Variants in SANBR observed in about 807,000 individuals in gnomAD.
SANBR encodes the protein SANT and BTB domain regulator of class switch recombination.
In SANBR, 77 loss-of-function variants were observed where a neutral mutation model predicts 101.8. The ratio of observed to expected loss-of-function variants is 0.76; its 90% CI spans 0.63 to 0.91. The LOEUF is 0.91. Ranked by LOEUF, SANBR falls within the 40% of genes least tolerant of loss-of-function variation. The probability of loss-of-function intolerance (pLI) is 0.00; values close to 1 mark genes in which losing one functional copy is unlikely to be tolerated. For missense variants in SANBR, 875 were observed against 853.0 expected (o/e 1.03, Z -0.32); for synonymous variants, 279 against 274.7 (o/e 1.02, Z -0.15).
chr2:61,077,528 G>A (rs1681857835), intron 6 of SANBR, among the ~76,000 whole-genome samples: 2 of 151,124 alleles, frequency 1.3e-5, no homozygotes, highest in Non-Finnish European at 2.9e-5. Context: ...TGAAGCTTTA[G>A]ACAAGATCAA....
Position 61,070,367 on chromosome 2 carries a change from C to T in SANBR, c.17C>T (p.Ser6Leu), listed in dbSNP as rs1217424805. 2 of 1,582,260 alleles carry T rather than the reference C, an allele frequency of 1.3e-6. No individual in the cohort carries two copies. Among genetic ancestry groups the T allele is most frequent in the Non-Finnish European group, 1.7e-6 (2 of 1,168,680 alleles). Residue 6 changes from serine to leucine, a missense_variant, in exon 3 of 22, where the codon TCA (serine) becomes TTA (leucine). By Grantham distance (145) the Ser-to-Leu change is moderately radical. Transcript: ENST00000402291. MSRGYSENNNFLNNNN... is the reference protein window; with the variant it reads MSRGYLENNNFLNNNN... Reference sequence around the variant, plus strand: ...TTCCAAAAGATGAGTCGTGGATATTCAGAAAACAACAATTTCCTGAACAAT... The same window carrying T: ...TTCCAAAAGATGAGTCGTGGATATTTAGAAAACAACAATTTCCTGAACAAT...
Position 61,088,165 on chromosome 2 carries a change from T to G in SANBR, c.897T>G (p.Leu299=). 6.3e-7 allele frequency: 1 copy of G among 1,596,738 alleles called. No homozygotes were observed. The highest frequency in any genetic ancestry group is 8.5e-7 in the Non-Finnish European group (1 of 1,174,134). Residue 299 remains leucine (L), a synonymous_variant, in exon 9 of 22, where the codon CTT becomes CTG. Transcript: ENST00000402291. ...GGTCATTTGTTGTTAATAGCAAACT[T>G]TTTTGTAAGAAGATTGAAAGACTGT... is the stretch of plus-strand genomic sequence containing the variant. ...KDKKDKFKSK[L]FCKKIERLFD...
intron 13 of SANBR, among the ~76,000 whole-genome samples, chr2:61,105,107 G>T (rs1164261521): frequency 6.7e-6 from 1 of 148,174 alleles, no homozygotes; most frequent in Non-Finnish European, 1.5e-5. Flanking sequence ...TTAGCCAGGC[G>T]TGGTGGCTCA....
intron 8 of SANBR, among the ~76,000 whole-genome samples, chr2:61,084,008 G>C (rs1044234576): frequency 6.6e-6 from 1 of 152,122 alleles, no homozygotes; most frequent in Non-Finnish European, 1.5e-5. Context: ...GCCCAGGCTG[G>C]AGTGCAGTAG....
At chr2:61,077,361 G>A (rs1043343742) in intron 6 of SANBR, among the ~76,000 whole-genome samples, 1 of 152,166 alleles carries the variant, frequency 6.6e-6, no homozygotes, top group Admixed American at 6.6e-5. Flanking sequence ...CTCTAGATCA[G>A]CAGTTCCCAA....
chr2:61,132,705 A>C (rs1684724191), intron 20 of SANBR, among the ~76,000 whole-genome samples: 1 of 152,264 alleles, frequency 6.6e-6, no homozygotes, highest in Non-Finnish European at 1.5e-5. Context: ...ACTTGTACAC[A>C]AATGTTCATA....
chr2:61,136,281 G>A (rs1394915527), intron 21 of SANBR, among the ~76,000 whole-genome samples: 2 of 151,180 alleles, frequency 1.3e-5, no homozygotes, highest in African/African-American at 4.9e-5. Flanking sequence ...TCCAGCCTGG[G>A]CAACAGAGCG....
downstream of SANBR, among the ~76,000 whole-genome samples, chr2:61,128,784 G>A (rs968226865): frequency 5.9e-5 from 9 of 152,046 alleles, no homozygotes; most frequent in African/African-American, 9.7e-5. Context: ...GTGAGCCACC[G>A]TGCCTGGCCT....
At chr2:61,078,084 T>C (rs895743713) in intron 6 of SANBR, among the ~76,000 whole-genome samples, 5 of 152,354 alleles carry the variant, frequency 3.3e-5, no homozygotes, top group African/African-American at 1.2e-4. Flanking sequence ...TTTTTAAATA[T>C]ATTGTACAAT....
chr2:61,084,660 C>G (rs951881213), intron 8 of SANBR, among the ~76,000 whole-genome samples: 1 of 152,018 alleles, frequency 6.6e-6, no homozygotes, highest in Non-Finnish European at 1.5e-5. Flanking sequence ...TAGGTCATAG[C>G]AAGGAGGATA....
intron 20 of SANBR, among the ~76,000 whole-genome samples, chr2:61,132,377 C>T (rs1684714653): frequency 6.6e-6 from 1 of 152,036 alleles, no homozygotes; most frequent in East Asian, 1.9e-4. Context: ...GACATTTTTC[C>T]AAAGAAGATA....
At position 61,081,518 on chromosome 2, in the gene SANBR, T is replaced by C; in HGVS notation, c.729+8T>C. The stretch of plus-strand genomic sequence containing the variant: ...TTAAAAATGGATTCACTAGTAAGTA[T>C]TGACTTAAAAAAAATCAAAGTGCTT... On this transcript the variant is annotated splice_region_variant and intron_variant, in intron 7 of 21. Coordinates refer to ENST00000402291, the MANE Select transcript of SANBR (RefSeq NM_001129993.3). 11 of 1,552,414 alleles carry C rather than the reference T, an allele frequency of 7.1e-6. No individual in the cohort carries two copies. The highest frequency in any genetic ancestry group is 1.2e-5 in the South Asian group (1 of 80,346).
chr2:61,076,384 A>T (rs539887344), intron 5 of SANBR, among the ~76,000 whole-genome samples: 1 of 149,490 alleles, frequency 6.7e-6, no homozygotes, highest in Non-Finnish European at 1.5e-5. Context: ...TTGGGAGGCC[A>T]AGGCAGGCGG....
intron 12 of SANBR, among the ~76,000 whole-genome samples, chr2:61,100,143 T>C (rs529218195): frequency 6.6e-6 from 1 of 152,324 alleles, no homozygotes; most frequent in South Asian, 2.1e-4. Flanking sequence ...GTCTCGCTGT[T>C]GCCCCGGCTG....
intron 1 of SANBR, among the ~76,000 whole-genome samples, chr2:61,067,761 C>T (rs1681258272): frequency 6.6e-6 from 1 of 151,458 alleles, no homozygotes; most frequent in Non-Finnish European, 1.5e-5. Flanking sequence ...AACAACAACG[C>T]ACTATGTGCT....
At chr2:61,079,864 C>G (rs917610598) in intron 6 of SANBR, among the ~76,000 whole-genome samples, 2 of 151,408 alleles carry the variant, frequency 1.3e-5, no homozygotes, top group African/African-American at 4.9e-5. Context: ...TGCGCCACTG[C>G]ACTCCAGCCT....
chr2:61,075,418 G>A lies in SANBR; in HGVS notation c.432-1502G>A, dbSNP rs532778842. 5.3e-5 allele frequency among the ~76,000 whole-genome samples: 8 copies of A among 151,822 alleles called. No homozygotes were observed. The East Asian group carries it at 1.4e-3, about 26-fold the overall frequency. ...GACCACGGGCATGCACCACCATGCCGGCTAATTTTTAAAATTTTTCTGTAG... is the reference window on the plus strand; with the variant it reads ...GACCACGGGCATGCACCACCATGCCAGCTAATTTTTAAAATTTTTCTGTAG... On this transcript the variant is annotated intron_variant, in intron 5 of 21. Coordinates refer to ENST00000402291, the MANE Select transcript of SANBR (RefSeq NM_001129993.3).
At chr2:61,136,775 G>T (rs1404605332) in intron 21 of SANBR, among the ~76,000 whole-genome samples, 5 of 151,876 alleles carry the variant, frequency 3.3e-5, no homozygotes, top group African/African-American at 4.8e-5. Context: ...TTCAAGACCA[G>T]CCTGGCCAAG....
intron 8 of SANBR, 129 bp downstream of exon 8, chr2:61,083,443 C>CTGGA (rs1353969289): frequency 1.5e-6 from 1 of 677,908 alleles, no homozygotes; most frequent in Non-Finnish European, 2.4e-6. Context: ...GTTGTTCAGG[C>CTGGA]TGGAGTGCAG....
Sources: gnomAD v4.1 joint callset for allele counts (sites outside exome capture counted in the v4.1 genomes callset) on GRCh38, gnomAD v4.1.1 for gene constraint, MANE v1.5 for transcripts, NCBI Gene and HGNC (gene_info 2026-07-23, HGNC 2026-07-21) for gene names.